BRIP1: variants seen among roughly 807,000 people sequenced by gnomAD.
BRIP1 encodes the protein BRCA1 interacting DNA helicase 1.
Under a neutral mutation model 119.7 loss-of-function variants are expected in BRIP1, and 88 were observed. That is an observed-to-expected ratio of 0.74 (90% confidence interval 0.62 to 0.88). The LOEUF is 0.88. Ranked by LOEUF, BRIP1 falls within the 40% of genes least tolerant of loss-of-function variation. The probability of loss-of-function intolerance (pLI) is 0.00; values close to 1 mark genes in which losing one functional copy is unlikely to be tolerated. For missense variants in BRIP1, 1,259 were observed against 1,455.4 expected (o/e 0.87, Z 2.20); for synonymous variants, 443 against 496.5 (o/e 0.89, Z 1.43).
Position 61,846,935 on chromosome 17 carries a change from C to T in BRIP1, c.627+166G>A, listed in dbSNP as rs752504694. On this transcript the variant is annotated intron_variant, in intron 6 of 19. Transcript: ENST00000259008. This position sits in a 1 kb window ranked among gnomAD's most constrained non-coding sequence, Gnocchi z 4.3. ...GGAAACGAGGCATAGAGAGAATAGG[C>T]TTTGCCATCTCACACATTAGTAACA... is the stretch of plus-strand genomic sequence containing the variant. Among the ~76,000 whole-genome samples, 1 of 152,168 alleles carries T rather than the reference C, an allele frequency of 6.6e-6. No individual in the cohort carries two copies. The highest frequency in any genetic ancestry group is 1.5e-5 in the Non-Finnish European group (1 of 68,024).
rs1305533908 is a variant in BRIP1, at chr17:61,846,262, AAG to A, written c.627+837_627+838del. ...AGAGAGAAAAAGAGAGAGAGAGAGA[AAG>A]AGAGAGAGAGAGAGGTTGGAGCCAA... On this transcript the variant is annotated intron_variant, in intron 6 of 19. Coordinates refer to ENST00000259008, the MANE Select transcript of BRIP1 (RefSeq NM_032043.3). The surrounding 1 kb of genome is among the most constrained non-coding windows in gnomAD (Gnocchi z 4.3). Among the ~76,000 whole-genome samples, 10 of 142,498 alleles carry A rather than the reference AAG, an allele frequency of 7.0e-5. No individual in the cohort carries two copies. The highest frequency in any genetic ancestry group is 6.0e-5 in the Non-Finnish European group (4 of 66,928). 93.5% of individuals were successfully genotyped at this position (142,498 alleles called of 152,430 possible).
intron 11 of BRIP1, among the ~76,000 whole-genome samples, chr17:61,782,421 G>A (rs951824738): frequency 2.0e-5 from 3 of 146,864 alleles, no homozygotes; most frequent in South Asian, 2.2e-4. Flanking sequence ...AGAAAACATA[G>A]GGGAAATCTT....
At chr17:61,784,541 T>A in intron 10 of BRIP1, 117 bp from the exon 11 acceptor site, 1 of 926,606 alleles carries the variant, frequency 1.1e-6, no homozygotes, top group Non-Finnish European at 1.7e-6. Context: ...GTGAACAGAA[T>A]TGCTATAGTT....
In BRIP1 at chr17:61,804,524, G is replaced by C. The variant is rs2078044830; in HGVS notation, c.919-3050C>G. On this transcript the variant is annotated intron_variant, in intron 7 of 19. Transcript: ENST00000259008. The surrounding 1 kb of genome is among the most constrained non-coding windows in gnomAD (Gnocchi z 4.5). ...ATGCCTCAGCCTCCCAAGTAGCTGG[G>C]ATTACAAGCACGCATCACCATGCCC... Among the ~76,000 whole-genome samples, 1 of 151,382 alleles carries C rather than the reference G, an allele frequency of 6.6e-6. No homozygotes were observed. Among genetic ancestry groups the C allele is most frequent in the Non-Finnish European group, 1.5e-5 (1 of 67,900 alleles).
Position 61,759,354 on chromosome 17 carries a change from T to G in BRIP1, c.2098-14763A>C, listed in dbSNP as rs921361109. On this transcript the variant is annotated intron_variant, in intron 14 of 19. Coordinates refer to ENST00000259008, the MANE Select transcript of BRIP1 (RefSeq NM_032043.3). The surrounding 1 kb of genome is among the most constrained non-coding windows in gnomAD (Gnocchi z 4.9). The stretch of plus-strand genomic sequence containing the variant: ...AAGAACATTATTTAACAAAAAAAGG[T>G]CAATTCATCAAGAGGATATAACAAT... Among the ~76,000 whole-genome samples, 3 of 151,950 alleles carry G rather than the reference T, an allele frequency of 2.0e-5. No homozygotes were observed. The highest frequency in any genetic ancestry group is 2.9e-5 in the Non-Finnish European group (2 of 67,962).
rs1230766565 is a variant in BRIP1 at position 61,753,024 on chromosome 17, G to C, written c.2098-8433C>G. On this transcript the variant is annotated intron_variant, in intron 14 of 19. Transcript: ENST00000259008. The surrounding 1 kb of genome is among the most constrained non-coding windows in gnomAD (Gnocchi z 4.6). The stretch of plus-strand genomic sequence containing the variant: ...TTTAAGAGGTGACAGGGTAACAAGA[G>C]TGCTGCCCTCATGAATGGATTTGTC... Among the ~76,000 whole-genome samples the C allele has an allele frequency of 6.6e-6, 1 of 152,164 alleles. No individual in the cohort carries two copies. Among genetic ancestry groups the C allele is most frequent in the Non-Finnish European group, 1.5e-5 (1 of 68,026 alleles).
At position 61,828,669 on chromosome 17, in the gene BRIP1, G is replaced by T. The variant is rs2078444505; in HGVS notation, c.627+18432C>A. On this transcript the variant is annotated intron_variant, in intron 6 of 19. Coordinates refer to ENST00000259008, the MANE Select transcript of BRIP1 (RefSeq NM_032043.3). This position sits in a 1 kb window ranked among gnomAD's most constrained non-coding sequence, Gnocchi z 4.1. Reference sequence around the variant, plus strand: ...AAAAGTTACACAATACAGAAACTTGGACCTACAAAATGAAGGGCACCAGAA... The same window carrying T: ...AAAAGTTACACAATACAGAAACTTGTACCTACAAAATGAAGGGCACCAGAA... Among the ~76,000 whole-genome samples the T allele has an allele frequency of 6.6e-6, 1 of 152,060 alleles. No individual in the cohort carries two copies. Among genetic ancestry groups the T allele is most frequent in the Non-Finnish European group, 1.5e-5 (1 of 67,984 alleles).
At chr17:61,771,700 C>G (rs2077450703) in intron 14 of BRIP1, among the ~76,000 whole-genome samples, 1 of 152,182 alleles carries the variant, frequency 6.6e-6, no homozygotes, top group South Asian at 2.1e-4. Context: ...TGGTTCACGC[C>G]TGTGATCCCA....
chr17:61,848,181 T>C lies in BRIP1; in HGVS notation c.507+948A>G, dbSNP rs971408068. ...ATAATTTTTTTATTTTATGTTTTTA[T>C]TTATTTATTTTTTAGAGACAGGGTC... is the stretch of plus-strand genomic sequence containing the variant. On this transcript the variant is annotated intron_variant, in intron 5 of 19. Coordinates refer to ENST00000259008, the MANE Select transcript of BRIP1 (RefSeq NM_032043.3). This position sits in a 1 kb window ranked among gnomAD's most constrained non-coding sequence, Gnocchi z 4.3. 9.8e-6 allele frequency among the ~76,000 whole-genome samples: 1 copy of C among 101,644 alleles called. No individual in the cohort carries two copies. Among genetic ancestry groups the C allele is most frequent in the Non-Finnish European group, 2.4e-5 (1 of 41,642 alleles). The allele number at this position is 101,644 out of a possible 152,430, so 66.7% of individuals were successfully genotyped here.
intron 17 of BRIP1, among the ~76,000 whole-genome samples, chr17:61,702,928 T>G (rs1162863451): frequency 1.3e-5 from 2 of 151,934 alleles, no homozygotes; most frequent in Non-Finnish European, 2.9e-5. Flanking sequence ...CCACCAGCAG[T>G]ACATATGTGG....
At chr17:61,723,456 A>G (rs894918393) in intron 16 of BRIP1, among the ~76,000 whole-genome samples, 1 of 152,202 alleles carries the variant, frequency 6.6e-6, no homozygotes, top group African/African-American at 2.4e-5. Flanking sequence ...TCTTTGATCT[A>G]TTTGGGAGGT....
rs896255235 is a variant in BRIP1 at position 61,689,659 on chromosome 17, T to C, written c.2576-3494A>G. Among the ~76,000 whole-genome samples, 1 of 151,832 alleles carries C rather than the reference T, an allele frequency of 6.6e-6. No homozygotes were observed. Among genetic ancestry groups the C allele is most frequent in the African/African-American group, 2.4e-5 (1 of 41,334 alleles). On this transcript the variant is annotated intron_variant, in intron 18 of 19. Coordinates refer to ENST00000259008, the MANE Select transcript of BRIP1 (RefSeq NM_032043.3). The surrounding 1 kb of genome is among the most constrained non-coding windows in gnomAD (Gnocchi z 4.5). ...AAGTGTCAAAAGTCAAAGAAAACAA[T>C]AGAAATTTGAAAACAGCAAGATAAA... is the stretch of plus-strand genomic sequence containing the variant.
intron 17 of BRIP1, among the ~76,000 whole-genome samples, chr17:61,698,459 G>A (rs959276447): frequency 1.3e-5 from 2 of 152,158 alleles, no homozygotes; most frequent in Non-Finnish European, 2.9e-5. Context: ...GTATTTTCCT[G>A]TTGTTGGGTG....
chr17:61,784,028 G>A (rs1223960485), intron 11 of BRIP1: 1 of 394,540 alleles, frequency 2.5e-6, no homozygotes, highest in African/African-American at 2.1e-5. Context: ...GTTGCAGTGA[G>A]CTGTGATCAT....
In BRIP1 at chr17:61,807,605, C is replaced by T. The variant is rs1023082990; in HGVS notation, c.918+862G>A. Among the ~76,000 whole-genome samples, 3 of 151,988 alleles carry T rather than the reference C, an allele frequency of 2.0e-5. No homozygotes were observed. Among genetic ancestry groups the T allele is most frequent in the African/African-American group, 7.2e-5 (3 of 41,394 alleles). ...GGTGATATATCAATGAAATGAAACT[C>T]TGGGGGCTATAGCTCACAGTTTTTT... is the stretch of plus-strand genomic sequence containing the variant. On this transcript the variant is annotated intron_variant, in intron 7 of 19. Coordinates refer to ENST00000259008, the MANE Select transcript of BRIP1 (RefSeq NM_032043.3). This position sits in a 1 kb window ranked among gnomAD's most constrained non-coding sequence, Gnocchi z 4.5.
rs786202662 is a variant in BRIP1 at position 61,683,525 on chromosome 17, C to T, written c.3521G>A (p.Arg1174Lys). ...CILAKDLFEI[R>K]TIKEVDSARE... ...GGCTGAATCTACTTCTTTTATAGTT[C>T]TAATTTCAAAAAGGTCTTTAGCTAA... Residue 1174 changes from arginine to lysine, a missense_variant, in exon 20 of 20, where the codon AGA becomes AAA. Around this residue, in one of 3 missense-constraint regions of BRIP1, gnomAD observed 753 missense variants for 891.8 expected, o/e 0.84. Transcript: ENST00000259008. This position sits in a 1 kb window ranked among gnomAD's most constrained non-coding sequence, Gnocchi z 4.7. 1 of 1,613,468 alleles carries T rather than the reference C, an allele frequency of 6.2e-7. No homozygotes were observed. Among genetic ancestry groups the T allele is most frequent in the Non-Finnish European group, 8.5e-7 (1 of 1,179,954 alleles).
intron 6 of BRIP1, among the ~76,000 whole-genome samples, chr17:61,819,280 G>A (rs1013487918): frequency 2.4e-4 from 36 of 151,854 alleles, no homozygotes; most frequent in African/African-American, 8.0e-4. Flanking sequence ...ACCGTTGGTG[G>A]GAATGTAGAT....
Position 61,831,690 on chromosome 17 carries a change from A to G in BRIP1, c.627+15411T>C, listed in dbSNP as rs914824701. Among the ~76,000 whole-genome samples, 2 of 152,194 alleles carry G rather than the reference A, an allele frequency of 1.3e-5. No individual in the cohort carries two copies. The highest frequency in any genetic ancestry group is 4.8e-5 in the African/African-American group (2 of 41,448). Reference sequence around the variant, plus strand: ...TTTGGCTATTGTGAATAACACTCCTATGAACACTGGTGTACAAGTATCTGA... The same window carrying G: ...TTTGGCTATTGTGAATAACACTCCTGTGAACACTGGTGTACAAGTATCTGA... On this transcript the variant is annotated intron_variant, in intron 6 of 19. Coordinates refer to ENST00000259008, the MANE Select transcript of BRIP1 (RefSeq NM_032043.3). The surrounding 1 kb of genome is among the most constrained non-coding windows in gnomAD (Gnocchi z 4.1).
In BRIP1 at chr17:61,721,760, C is replaced by T. The variant is rs148819051; in HGVS notation, c.2380-5697G>A. ...TCACCCAGGCTGAAGTGCAGTGGTG[C>T]GATCTCAGCTCACTGCAACCTCCAC... On this transcript the variant is annotated intron_variant, in intron 16 of 19. Transcript: ENST00000259008. 3.8e-3 allele frequency among the ~76,000 whole-genome samples: 475 copies of T among 126,580 alleles called. 19 individuals carry two copies. The East Asian group carries it at 0.1, about 27-fold the overall frequency. The allele number at this position is 126,580 out of a possible 152,430, so 83.0% of individuals were successfully genotyped here. A position where few individuals can be genotyped will look rare whatever the true frequency, so the allele number is the denominator to read the frequency against.
Sources: allele counts gnomAD v4.1 joint callset (sites outside exome capture counted in the v4.1 genomes callset), GRCh38; gene constraint gnomAD v4.1.1; regional missense constraint gnomAD v4.1.1; non-coding constraint Gnocchi (gnomAD v3.1); transcripts MANE v1.5; gene names NCBI Gene and HGNC (gene_info 2026-07-23, HGNC 2026-07-21).